GALNT2: variants seen among roughly 807,000 people sequenced by gnomAD.
The protein encoded by GALNT2 is UDP-GalNAc:polypeptide N-acetylgalactosaminyltransferase 2.
A neutral mutation model predicts 81.4 loss-of-function variants in GALNT2; 31 were observed. The ratio of observed to expected loss-of-function variants is 0.38; its 90% CI spans 0.29 to 0.51. The LOEUF is 0.51. Among genes scored for constraint, GALNT2 ranks in the 20% least tolerant of loss-of-function variants. The probability of loss-of-function intolerance (pLI) is 0.87; values close to 1 mark genes in which losing one functional copy is unlikely to be tolerated. For synonymous variants in GALNT2, 303 were observed against 287.4 expected (o/e 1.05, Z -0.55); for missense variants, 629 against 765.7 (o/e 0.82, Z 2.11).
chr1:230,280,282 C>T lies in GALNT2; in HGVS notation c.*824C>T, dbSNP rs1295788482. ...GCCAGCTGGGGGGCTTCCTCCAGAC[C>T]ACCGGCCTCGGCCCCGGCATCCCTG... On this transcript the variant is annotated 3_prime_UTR_variant, in exon 16 of 16. Coordinates refer to ENST00000366672, the MANE Select transcript of GALNT2 (RefSeq NM_004481.5). 1 of 308,954 alleles carries T rather than the reference C, an allele frequency of 3.2e-6. No individual in the cohort carries two copies. Among genetic ancestry groups the T allele is most frequent in the Non-Finnish European group, 6.4e-6 (1 of 155,680 alleles). The allele number at this position is 308,954 out of a possible 1,614,324, so 19.1% of individuals were successfully genotyped here. A position where few individuals can be genotyped will look rare whatever the true frequency, so the allele number is the denominator to read the frequency against.
intron 1 of GALNT2, among the ~76,000 whole-genome samples, chr1:230,111,051 T>G (rs1660688753): frequency 6.6e-6 from 1 of 152,214 alleles, no homozygotes; most frequent in Non-Finnish European, 1.5e-5. Flanking sequence ...TGCATGCATA[T>G]TTGTGTGTGT....
chr1:230,260,528 T>C (rs1423828861), intron 11 of GALNT2, among the ~76,000 whole-genome samples: 2 of 152,214 alleles, frequency 1.3e-5, no homozygotes, highest in East Asian at 3.8e-4. Flanking sequence ...ATAAAACCTT[T>C]AAATCATTAA....
chr1:230,074,001 T>C (rs1659454496), intron 1 of GALNT2, among the ~76,000 whole-genome samples: 1 of 152,106 alleles, frequency 6.6e-6, no homozygotes, highest in South Asian at 2.1e-4. Context: ...AGAGTTCAGG[T>C]CAGGACATGC....
intron 10 of GALNT2, among the ~76,000 whole-genome samples, chr1:230,252,950 G>A (rs1665596163): frequency 6.8e-6 from 1 of 146,990 alleles, no homozygotes; most frequent in South Asian, 2.1e-4. Flanking sequence ...GGGTTCAAGT[G>A]ATTCTCCTGC....
At chr1:230,245,145 A>G (rs974519349) in intron 7 of GALNT2, among the ~76,000 whole-genome samples, 1 of 149,602 alleles carries the variant, frequency 6.7e-6, no homozygotes, top group African/African-American at 2.5e-5. Context: ...ACATGGCTCA[A>G]TCTAGGGGGA....
chr1:230,223,779 C>T (rs1195381402), intron 3 of GALNT2, among the ~76,000 whole-genome samples: 2 of 152,164 alleles, frequency 1.3e-5, no homozygotes, highest in South Asian at 2.1e-4. Flanking sequence ...CCGAAAAGTT[C>T]GTCTTTTTAA....
chr1:230,117,624 C>G (rs1170308933), intron 1 of GALNT2, among the ~76,000 whole-genome samples: 3 of 152,178 alleles, frequency 2.0e-5, no homozygotes, highest in African/African-American at 7.2e-5. Context: ...GGAGTCAGAA[C>G]ACACACCATG....
intron 11 of GALNT2, chr1:230,259,037 A>G (rs1665799900): frequency 6.6e-6 from 1 of 152,248 alleles, no homozygotes; most frequent in South Asian, 2.1e-4. Flanking sequence ...CTGATTAAAA[A>G]GCCCTGCTGT....
At chr1:230,236,490 G>A (rs866389210) in intron 5 of GALNT2, 70 bp downstream of exon 5, 6 of 1,524,052 alleles carry the variant, frequency 3.9e-6, no homozygotes, top group Middle Eastern at 1.7e-4. Flanking sequence ...TGTAGTGGGG[G>A]TGCTAATGAG....
chr1:230,244,648 G>A (rs1665309872), intron 7 of GALNT2, among the ~76,000 whole-genome samples: 1 of 152,172 alleles, frequency 6.6e-6, no homozygotes, highest in African/African-American at 2.4e-5. Flanking sequence ...CTAAATTAAG[G>A]AGAGAAAGTG....
chr1:230,105,809 G>A (rs1660527375), intron 1 of GALNT2, among the ~76,000 whole-genome samples: 4 of 152,014 alleles, frequency 2.6e-5, no homozygotes, highest in Admixed American at 2.6e-4. Flanking sequence ...CAGGCACCCA[G>A]AGAGAAGTCA....
chr1:230,113,079 T>G (rs2102791917), intron 1 of GALNT2, among the ~76,000 whole-genome samples: 1 of 152,194 alleles, frequency 6.6e-6, no homozygotes, highest in Non-Finnish European at 1.5e-5. Context: ...TTTCTTCAGG[T>G]GTTTCTGGCC....
Position 230,075,830 on chromosome 1 carries a change from G to A in GALNT2, c.126+8424G>A, listed in dbSNP as rs143818975. On this transcript the variant is annotated intron_variant, in intron 1 of 15. Transcript: ENST00000366672. ...GTTGCAGTATTAAAGTGGTGATCAC[G>A]TAGGCTCATGGGGAAGGCAGGATTG... Among the ~76,000 whole-genome samples, 611 of 152,278 alleles carry A rather than the reference G, an allele frequency of 4.0e-3. 6 individuals carry two copies. The highest frequency in any genetic ancestry group is 0.014 in the African/African-American group (570 of 41,538).
intron 1 of GALNT2, among the ~76,000 whole-genome samples, chr1:230,080,049 A>G (rs1289913566): frequency 6.6e-6 from 1 of 152,206 alleles, no homozygotes; most frequent in East Asian, 1.9e-4. Context: ...GTGACTTGGC[A>G]TATGTCATAA....
intron 1 of GALNT2, among the ~76,000 whole-genome samples, chr1:230,109,161 G>C (rs2102787194): frequency 6.6e-6 from 1 of 152,348 alleles, no homozygotes; most frequent in South Asian, 2.1e-4. Context: ...GGAAGGCTCT[G>C]CCCTCTGATG....
At chr1:230,194,607 G>A (rs1044929373) in intron 2 of GALNT2, among the ~76,000 whole-genome samples, 5 of 152,234 alleles carry the variant, frequency 3.3e-5, no homozygotes, top group African/African-American at 1.2e-4. Flanking sequence ...TCCTCTTGCG[G>A]TTAGCCCAGC....
chr1:230,209,838 A>T (rs1664179348), intron 3 of GALNT2, among the ~76,000 whole-genome samples: 1 of 148,318 alleles, frequency 6.7e-6, no homozygotes, highest in African/African-American at 2.5e-5. Context: ...AAAAAAAAAA[A>T]GTCTATTGTT....
chr1:230,223,190 T>C (rs1664602269), intron 3 of GALNT2, among the ~76,000 whole-genome samples: 1 of 124,944 alleles, frequency 8.0e-6, no homozygotes, highest in East Asian at 4.0e-4. Flanking sequence ...GTTTTTCTTT[T>C]CTTTTTTTTT....
intron 3 of GALNT2, among the ~76,000 whole-genome samples, chr1:230,230,269 C>A (rs1458094305): frequency 6.6e-6 from 1 of 151,862 alleles, no homozygotes; most frequent in Non-Finnish European, 1.5e-5. Context: ...AGGTTTGTAT[C>A]TCAGGGGCAG....
Sources: allele counts gnomAD v4.1 joint callset (sites outside exome capture counted in the v4.1 genomes callset), GRCh38; gene constraint gnomAD v4.1.1; transcripts MANE v1.5; gene names NCBI Gene and HGNC (gene_info 2026-07-23, HGNC 2026-07-21).